Variants in PRKCE observed in about 807,000 individuals in gnomAD.
PRKCE encodes the protein protein kinase C epsilon type.
Under a neutral mutation model 85.4 loss-of-function variants are expected in PRKCE, and 16 were observed. That is an observed-to-expected ratio of 0.19 (90% CI 0.13 to 0.28). The LOEUF (loss-of-function observed/expected upper bound fraction) is 0.28, where lower values mean the gene tolerates loss of function less well. PRKCE is among the 10% of genes least tolerant of loss of function. The pLI, the probability that PRKCE is intolerant of heterozygous loss-of-function variation, is 1.00. For missense variants in PRKCE, 573 were observed against 975.2 expected (o/e 0.59, Z 5.49); for synonymous variants, 388 against 371.5 (o/e 1.04, Z -0.51).
At chr2:45,963,358 G>T (rs567641434) in intron 2 of PRKCE, among the ~76,000 whole-genome samples, 1 of 151,922 alleles carries the variant, frequency 6.6e-6, no homozygotes, top group East Asian at 1.9e-4. Flanking sequence ...GCCCAACATG[G>T]AGTGTGGTGG....
chr2:46,164,215 G>C (rs1051092648), intron 14 of PRKCE, among the ~76,000 whole-genome samples: 5 of 152,212 alleles, frequency 3.3e-5, no homozygotes, highest in African/African-American at 7.2e-5. Flanking sequence ...ACAATGTGCA[G>C]TTGTTGGTCC....
chr2:45,891,921 A>T (rs896993110), intron 2 of PRKCE, among the ~76,000 whole-genome samples: 1 of 152,132 alleles, frequency 6.6e-6, no homozygotes, highest in Admixed American at 6.6e-5. Context: ...TCCCGTCCCC[A>T]CGTCTTCCTA....
intron 1 of PRKCE, among the ~76,000 whole-genome samples, chr2:45,814,773 G>A (rs1688910573): frequency 6.6e-6 from 1 of 152,192 alleles, no homozygotes; most frequent in Admixed American, 6.5e-5. Context: ...TCTGGACAGT[G>A]TCTTGTAGAG....
intron 2 of PRKCE, among the ~76,000 whole-genome samples, chr2:45,948,175 G>C (rs183591946): frequency 6.6e-6 from 1 of 152,122 alleles, no homozygotes; most frequent in Non-Finnish European, 1.5e-5. Flanking sequence ...AATGCACTGG[G>C]GTTAAGTCTC....
intron 11 of PRKCE, among the ~76,000 whole-genome samples, chr2:46,132,705 C>G (rs74899491): frequency 5.6e-4 from 86 of 152,292 alleles, no homozygotes; most frequent in African/African-American, 2.0e-3. Flanking sequence ...TATATGCACA[C>G]GTGCGCGCAC....
At chr2:45,708,651 G>T (rs914544867) in intron 1 of PRKCE, among the ~76,000 whole-genome samples, 1 of 152,154 alleles carries the variant, frequency 6.6e-6, no homozygotes, top group Non-Finnish European at 1.5e-5. Flanking sequence ...GCCCAGCCTC[G>T]GGTATGTCTT....
At chr2:46,045,271 T>G (rs1046982847) in intron 10 of PRKCE, among the ~76,000 whole-genome samples, 1 of 152,240 alleles carries the variant, frequency 6.6e-6, no homozygotes, top group African/African-American at 2.4e-5. Context: ...GTGAATAAGT[T>G]GGCCATGTAT....
chr2:46,081,765 C>T (rs945498366), intron 10 of PRKCE, among the ~76,000 whole-genome samples: 5 of 152,268 alleles, frequency 3.3e-5, no homozygotes, highest in African/African-American at 7.2e-5. Flanking sequence ...GAGAGTTTTC[C>T]GTTTATTCCT....
intron 1 of PRKCE, among the ~76,000 whole-genome samples, chr2:45,809,359 G>T (rs1488404403): frequency 6.6e-6 from 1 of 152,144 alleles, no homozygotes; most frequent in East Asian, 1.9e-4. Context: ...GTGACCTTGA[G>T]AAGCATTTTG....
At chr2:46,160,586 G>T (rs1174929574) in intron 14 of PRKCE, among the ~76,000 whole-genome samples, 1 of 152,154 alleles carries the variant, frequency 6.6e-6, no homozygotes, top group East Asian at 1.9e-4. Flanking sequence ...GGTGAAGGGG[G>T]GTGTGCAATG....
intron 11 of PRKCE, among the ~76,000 whole-genome samples, chr2:46,099,660 A>C (rs188462575): frequency 2.5e-4 from 38 of 152,242 alleles, no homozygotes; most frequent in African/African-American, 9.1e-4. Flanking sequence ...ACTGCATTGC[A>C]ACTATTTCTT....
At chr2:45,984,093 A>G (rs1388013743) in intron 5 of PRKCE, among the ~76,000 whole-genome samples, 1 of 151,874 alleles carries the variant, frequency 6.6e-6, no homozygotes, top group Non-Finnish European at 1.5e-5. Flanking sequence ...TCGCACCACC[A>G]TGCCCGGCTA....
chr2:45,680,274 A>T (rs1461981835), intron 1 of PRKCE, among the ~76,000 whole-genome samples: 1 of 152,236 alleles, frequency 6.6e-6, no homozygotes, highest in Non-Finnish European at 1.5e-5. Context: ...TAGCAGCAAG[A>T]CTGGTTCTTG....
chr2:45,840,801 G>A (rs147819871), intron 1 of PRKCE, among the ~76,000 whole-genome samples: 2 of 152,318 alleles, frequency 1.3e-5, no homozygotes, highest in Admixed American at 6.5e-5. Flanking sequence ...GGGGTGAGAC[G>A]TTGGGAGAGT....
chr2:45,710,769 A>G (rs1310738061), intron 1 of PRKCE, among the ~76,000 whole-genome samples: 1 of 152,186 alleles, frequency 6.6e-6, no homozygotes, highest in East Asian at 1.9e-4. Context: ...CCTGACTGAT[A>G]TACCATTGTT....
intron 1 of PRKCE, among the ~76,000 whole-genome samples, chr2:45,838,699 A>G (rs756909184): frequency 2.0e-5 from 3 of 152,036 alleles, no homozygotes; most frequent in Non-Finnish European, 4.4e-5. Context: ...TGCAGCCTGG[A>G]TCTCCTGGGC....
At chr2:45,829,003 T>C (rs1167300279) in intron 1 of PRKCE, among the ~76,000 whole-genome samples, 1 of 127,996 alleles carries the variant, frequency 7.8e-6, no homozygotes, top group Non-Finnish European at 1.6e-5. Flanking sequence ...TATCTTTGCA[T>C]GTTATTACAT....
chr2:46,172,244 AC>A (rs1678983209), intron 14 of PRKCE, among the ~76,000 whole-genome samples: 1 of 152,168 alleles, frequency 6.6e-6, no homozygotes, highest in Admixed American at 6.5e-5. Flanking sequence ...CCCCCCAGGC[AC>A]TGCCAGCCTC....
chr2:45,932,849 T>C (rs1699145603), intron 2 of PRKCE, among the ~76,000 whole-genome samples: 1 of 152,254 alleles, frequency 6.6e-6, no homozygotes, highest in Admixed American at 6.5e-5. Context: ...TTGACTACTC[T>C]GCATACTTCA....
Sources: allele counts gnomAD v4.1 joint callset (sites outside exome capture counted in the v4.1 genomes callset), GRCh38; gene constraint gnomAD v4.1.1; transcripts MANE v1.5; gene names NCBI Gene and HGNC (gene_info 2026-07-23, HGNC 2026-07-21).